The following NAV3 variants were observed in gnomAD, a reference collection of about 807,000 sequenced individuals.
The protein encoded by NAV3 is neuron navigator 3.
NAV3 carries 87 observed loss-of-function variants against 244.7 expected under a neutral mutation model. The observed-to-expected ratio is 0.36, with a 90% confidence interval of 0.30 to 0.42. The LOEUF (loss-of-function observed/expected upper bound fraction) is 0.42. Among genes scored for constraint, NAV3 ranks in the 20% least tolerant of loss-of-function variants. The pLI is 1.00. For missense variants in NAV3, 2,663 were observed against 2,893.3 expected (o/e 0.92, Z 1.83); for synonymous variants, 1,126 against 1,042.2 (o/e 1.08, Z -1.55).
chr12:78,117,173 A>ATATG (rs1365853911), intron 13 of NAV3, among the ~76,000 whole-genome samples: 1 of 134,466 alleles, frequency 7.4e-6, no homozygotes, highest in African/African-American at 2.8e-5. Context: ...ATATATATAT[A>ATATG]TATATATATA....
At chr12:77,708,202 A>G (rs1452004827) in intron 2 of NAV3, among the ~76,000 whole-genome samples, 5 of 152,168 alleles carry the variant, frequency 3.3e-5, no homozygotes, top group African/African-American at 2.4e-5. Context: ...TCTAACATTT[A>G]AGTCTTTAAT....
At chr12:77,751,825 T>C (rs1868872187) in intron 2 of NAV3, among the ~76,000 whole-genome samples, 2 of 152,228 alleles carry the variant, frequency 1.3e-5, no homozygotes, top group Non-Finnish European at 2.9e-5. Context: ...GAAGTTTTTT[T>C]CTTTCATAAC....
intron 5 of NAV3, among the ~76,000 whole-genome samples, chr12:77,984,002 C>T (rs1450081484): frequency 6.6e-6 from 1 of 152,152 alleles, no homozygotes; most frequent in Admixed American, 6.6e-5. Context: ...ACTTAAGACA[C>T]TTTTGGATTC....
At chr12:78,012,218 T>G (rs1373824553) in intron 8 of NAV3, among the ~76,000 whole-genome samples, 1 of 152,148 alleles carries the variant, frequency 6.6e-6, no homozygotes, top group African/African-American at 2.4e-5. Context: ...TTCTGAAACA[T>G]ACCCTCAATC....
chr12:78,094,454 C>CA (rs1954123911), intron 12 of NAV3, among the ~76,000 whole-genome samples: 1 of 152,008 alleles, frequency 6.6e-6, no homozygotes, highest in Non-Finnish European at 1.5e-5. Flanking sequence ...TTTCCCAAGC[C>CA]AAAAAATTGT....
chr12:78,167,276 C>G (rs146408329), intron 23 of NAV3, among the ~76,000 whole-genome samples: 1 of 151,498 alleles, frequency 6.6e-6, no homozygotes, highest in Non-Finnish European at 1.5e-5. Flanking sequence ...TAAATATAGT[C>G]GAAATGAATT....
intron 2 of NAV3, among the ~76,000 whole-genome samples, chr12:77,659,089 A>C (rs1293055331): frequency 6.6e-6 from 1 of 151,904 alleles, no homozygotes; most frequent in Non-Finnish European, 1.5e-5. Flanking sequence ...CAATGGCAAC[A>C]AAAGCCAAAA....
chr12:77,631,241 C>T (rs1375067793), intron 2 of NAV3, among the ~76,000 whole-genome samples: 1 of 152,064 alleles, frequency 6.6e-6, no homozygotes, highest in East Asian at 1.9e-4. Flanking sequence ...TTCTCCCAGT[C>T]CCTCAGCTAC....
Position 77,778,439 on chromosome 12 carries a change from C to T in NAV3, c.73-161880C>T, listed in dbSNP as rs184477529. Among the ~76,000 whole-genome samples the T allele has an allele frequency of 3.9e-3, 586 of 151,130 alleles. 4 individuals are homozygous for T. The highest frequency in any genetic ancestry group is 0.014 in the African/African-American group (559 of 41,188). On this transcript the variant is annotated intron_variant, in intron 2 of 8. Transcript: ENST00000550042. ...AATCCTGGCTAACACGGTGAAACCC[C>T]GTCTCTACTAAAAATACAAAAAATT... is the stretch of plus-strand genomic sequence containing the variant.
At chr12:77,749,274 C>T (rs1868716843) in intron 2 of NAV3, among the ~76,000 whole-genome samples, 1 of 152,134 alleles carries the variant, frequency 6.6e-6, no homozygotes, top group African/African-American at 2.4e-5. Flanking sequence ...TATGGAAGGG[C>T]AATGTCACAT....
chr12:77,765,931 G>A (rs546588680), intron 2 of NAV3, among the ~76,000 whole-genome samples: 59 of 152,130 alleles, frequency 3.9e-4, no homozygotes, highest in South Asian at 8.3e-4. Flanking sequence ...TTGCACGAGG[G>A]ACATGAAACC....
At chr12:78,158,595 A>G (rs970235951) in intron 22 of NAV3, among the ~76,000 whole-genome samples, 2 of 152,166 alleles carry the variant, frequency 1.3e-5, no homozygotes, top group Admixed American at 6.6e-5. Context: ...TATTTCCTTC[A>G]TTGAAGGGAA....
chr12:78,054,800 A>G (rs1883243246), intron 11 of NAV3, among the ~76,000 whole-genome samples: 1 of 152,136 alleles, frequency 6.6e-6, no homozygotes, highest in African/African-American at 2.4e-5. Context: ...GCAGAGAGAG[A>G]AAGAGAGAGA....
chr12:77,899,760 A>G (rs1885044142), intron 1 of NAV3, among the ~76,000 whole-genome samples: 1 of 152,234 alleles, frequency 6.6e-6, no homozygotes, highest in Non-Finnish European at 1.5e-5. Context: ...AAAAGTTTGT[A>G]TGCCTTTTTC....
chr12:78,205,003 A>G lies in NAV3; in HGVS notation c.6903A>G (p.Ser2301=). Residue 2301 remains serine (S), a synonymous_variant, in exon 39 of 40, where the codon TCA becomes TCG. Coordinates refer to ENST00000397909, the MANE Select transcript of NAV3 (RefSeq NM_001024383.2). ...TGCTTGACACATATCCATGGAGCTC[A>G]GCAACTCTGCCTCAGGAGAGCCCAG... The part of the protein sequence containing the change: ...KWVLDTYPWS[S]ATLPQESPAL... 2 of 1,613,626 alleles carry G rather than the reference A, an allele frequency of 1.2e-6. No homozygotes were observed. Among genetic ancestry groups the G allele is most frequent in the South Asian group, 2.2e-5 (2 of 91,076 alleles).
At chr12:77,870,145 T>A (rs1880718827) in intron 1 of NAV3, among the ~76,000 whole-genome samples, 1 of 152,032 alleles carries the variant, frequency 6.6e-6, no homozygotes, top group Admixed American at 6.6e-5. Flanking sequence ...GGCTGGTGGA[T>A]CATGAGGCCA....
chr12:78,132,553 A>G (rs1593720967), intron 18 of NAV3, among the ~76,000 whole-genome samples: 2 of 152,164 alleles, frequency 1.3e-5, no homozygotes, highest in East Asian at 3.9e-4. Context: ...ACACAAGGTC[A>G]CTTTTGAGAG....
intron 2 of NAV3, among the ~76,000 whole-genome samples, chr12:77,733,158 G>A (rs1249446359): frequency 6.6e-6 from 1 of 151,984 alleles, no homozygotes; most frequent in Non-Finnish European, 1.5e-5. Flanking sequence ...TTATGAGACT[G>A]GCATTGGTTG....
intron 2 of NAV3, among the ~76,000 whole-genome samples, chr12:77,665,031 C>T (rs1004462022): frequency 2.0e-5 from 3 of 152,156 alleles, no homozygotes; most frequent in African/African-American, 7.2e-5. Flanking sequence ...CCTCGCCTGG[C>T]TAAAAATAAA....
Sources: allele counts gnomAD v4.1 joint callset (sites outside exome capture counted in the v4.1 genomes callset), GRCh38; gene constraint gnomAD v4.1.1; transcripts MANE v1.5; gene names NCBI Gene and HGNC (gene_info 2026-07-23, HGNC 2026-07-21).